The following GPHN variants were observed in gnomAD, a reference collection of about 807,000 sequenced individuals.
The protein encoded by GPHN is gephyrin.
A neutral mutation model predicts 95.5 loss-of-function variants in GPHN; 17 were observed. The ratio of observed to expected loss-of-function variants is 0.18; its 90% CI spans 0.12 to 0.27. The LOEUF (loss-of-function observed/expected upper bound fraction) is 0.27, where lower values mean the gene tolerates loss of function less well. GPHN is among the 10% of genes least tolerant of loss of function. The pLI is 1.00. For synonymous variants in GPHN, 320 were observed against 322.5 expected (o/e 0.99, Z 0.08); for missense variants, 660 against 978.1 (o/e 0.67, Z 4.34).
At chr14:67,347,496 T>TTC in the GPHN span, 13 of 1,424,968 alleles carry the variant, frequency 9.1e-6, no homozygotes, top group Non-Finnish European at 1.2e-5. Flanking sequence ...AACCTTTAAG[T>TTC]TCTCTCTTTT....
chr14:67,668,648 T>C, the GPHN span, among the ~76,000 whole-genome samples: 581 of 134,260 alleles, frequency 4.3e-3, 1 homozygote, highest in African/African-American at 0.014. Flanking sequence ...TTCTGGTACT[T>C]AGGAAACACA....
At chr14:67,239,897 TCA>T in the GPHN span, among the ~76,000 whole-genome samples, 23 of 152,090 alleles carry the variant, frequency 1.5e-4, no homozygotes, top group Admixed American at 9.8e-4. Context: ...AGGAAGTAAG[TCA>T]CACACAGTAA....
chr14:67,088,553 T>G (rs1262138293), intron 11 of GPHN, among the ~76,000 whole-genome samples: 1 of 152,206 alleles, frequency 6.6e-6, no homozygotes. Flanking sequence ...TTTTTTCTAT[T>G]GTAAGCAACT....
At chr14:67,662,934 A>G in the GPHN span, 4 of 1,307,856 alleles carry the variant, frequency 3.1e-6, no homozygotes, top group South Asian at 4.7e-5. Context: ...ATGTTTACCA[A>G]TAGTGACTCT....
At chr14:67,344,455 A>C in the GPHN span, among the ~76,000 whole-genome samples, 1 of 152,252 alleles carries the variant, frequency 6.6e-6, no homozygotes, top group South Asian at 2.1e-4. Context: ...GACAAGAAAG[A>C]ATCAAGCATT....
At chr14:67,089,115 A>ATTTTTTT (rs371624615) in intron 12 of GPHN, 40 bp downstream of exon 12, 90 of 363,134 alleles carry the variant, frequency 2.5e-4, no homozygotes, top group South Asian at 3.8e-4. Flanking sequence ...CAGGCACTGT[A>ATTTTTTT]TTTTTTTTTC....
chr14:67,542,058 TGAGA>T, the GPHN span: 7 of 1,426,032 alleles, frequency 4.9e-6, no homozygotes, highest in Non-Finnish European at 6.6e-6. Context: ...GAGGGCCGTG[TGAGA>T]GAGGGAGAGT....
intron 1 of GPHN, among the ~76,000 whole-genome samples, chr14:66,608,250 T>G (rs2062633400): frequency 1.3e-5 from 2 of 152,180 alleles, no homozygotes; most frequent in Admixed American, 1.3e-4. Context: ...TCCCCAAAAC[T>G]TATTCAAGAG....
the GPHN span, among the ~76,000 whole-genome samples, chr14:67,667,169 A>C: frequency 2.0e-5 from 3 of 152,180 alleles, no homozygotes; most frequent in Non-Finnish European, 4.4e-5. Context: ...GCTCTGAAAA[A>C]CAGCACTACA....
the GPHN span, among the ~76,000 whole-genome samples, chr14:67,280,853 TTCCCTCCC>T: frequency 2.6e-4 from 20 of 77,572 alleles, no homozygotes; most frequent in African/African-American, 9.0e-4. Context: ...CCTTCCTTCC[TTCCCTCCC>T]TCCCTCCCTC....
the GPHN span, among the ~76,000 whole-genome samples, chr14:67,451,975 G>A: frequency 2.0e-5 from 3 of 152,152 alleles, no homozygotes; most frequent in East Asian, 1.9e-4. Flanking sequence ...TCATCAGGGT[G>A]GGTCTTTCCC....
chr14:67,459,192 G>A, the GPHN span, among the ~76,000 whole-genome samples: 4 of 152,044 alleles, frequency 2.6e-5, no homozygotes, highest in African/African-American at 9.6e-5. Context: ...CCAGCCACTT[G>A]GCTAATTTTT....
intron 17 of GPHN, among the ~76,000 whole-genome samples, chr14:67,122,650 A>G (rs560839361): frequency 1.8e-4 from 27 of 152,220 alleles, no homozygotes; most frequent in Non-Finnish European, 2.9e-4. Context: ...TTTTATCCCA[A>G]TGGAGCTAAC....
At chr14:67,584,707 T>G in the GPHN span, among the ~76,000 whole-genome samples, 1 of 152,234 alleles carries the variant, frequency 6.6e-6, no homozygotes, top group Non-Finnish European at 1.5e-5. Context: ...CTATGTCCAG[T>G]GCTGGTTGTT....
At chr14:67,645,012 A>AG in the GPHN span, among the ~76,000 whole-genome samples, 20 of 150,958 alleles carry the variant, frequency 1.3e-4, no homozygotes, top group Non-Finnish European at 2.6e-4. Flanking sequence ...AAAAAAAAAA[A>AG]AAATTGAATG....
chr14:67,615,613 A>G, the GPHN span: 1 of 551,400 alleles, frequency 1.8e-6, no homozygotes, highest in African/African-American at 1.8e-5. Flanking sequence ...GTTTTCTAAG[A>G]AGTGCTTAGT....
At chr14:67,659,893 A>G in the GPHN span, 1 of 1,614,092 alleles carries the variant, frequency 6.2e-7, no homozygotes, top group Non-Finnish European at 8.5e-7. Flanking sequence ...ACAGGGGTGC[A>G]TAACGTAGCT....
At chr14:67,465,727 C>T in the GPHN span, among the ~76,000 whole-genome samples, 2 of 152,304 alleles carry the variant, frequency 1.3e-5, no homozygotes, top group East Asian at 3.9e-4. Flanking sequence ...CACGTCCAAG[C>T]CCCCTGAAGC....
chr14:67,092,224 T>A (rs1363041980), intron 12 of GPHN, among the ~76,000 whole-genome samples: 1 of 152,144 alleles, frequency 6.6e-6, no homozygotes, highest in Non-Finnish European at 1.5e-5. Flanking sequence ...GTAATAAAGA[T>A]GATTTTCATT....
Sources: allele counts gnomAD v4.1 joint callset (sites outside exome capture counted in the v4.1 genomes callset), GRCh38; gene constraint gnomAD v4.1.1; transcripts MANE v1.5; gene names NCBI Gene and HGNC (gene_info 2026-07-23, HGNC 2026-07-21).